BTBD7: variants seen among roughly 807,000 people sequenced by gnomAD.
BTBD7 encodes the protein BTB domain containing 7.
Under a neutral mutation model 99.9 loss-of-function variants are expected in BTBD7, and 38 were observed. That is an observed-to-expected ratio of 0.38 (90% CI 0.29 to 0.50). The LOEUF (loss-of-function observed/expected upper bound fraction) is 0.50. Ranked by LOEUF, BTBD7 falls within the 20% of genes least tolerant of loss-of-function variation. The probability of loss-of-function intolerance (pLI) is 0.93; values close to 1 mark genes in which losing one functional copy is unlikely to be tolerated. For missense variants in BTBD7, 1,170 were observed against 1,394.6 expected (o/e 0.84, Z 2.57); for synonymous variants, 520 against 511.4 (o/e 1.02, Z -0.23).
At chr14:93,262,678 A>G (rs1276210905) in intron 4 of BTBD7, among the ~76,000 whole-genome samples, 1 of 152,158 alleles carries the variant, frequency 6.6e-6, no homozygotes, top group Non-Finnish European at 1.5e-5. Flanking sequence ...CAATCTCTAC[A>G]AGGTATTCTA....
At chr14:93,297,046 A>G (rs2052936983) in intron 1 of BTBD7, among the ~76,000 whole-genome samples, 1 of 152,242 alleles carries the variant, frequency 6.6e-6, no homozygotes, top group Non-Finnish European at 1.5e-5. Context: ...TGGGGTAACG[A>G]GTTTAAGAAG....
At chr14:93,289,810 A>C (rs2052824968) in intron 3 of BTBD7, among the ~76,000 whole-genome samples, 1 of 151,094 alleles carries the variant, frequency 6.6e-6, no homozygotes, top group South Asian at 2.1e-4. Flanking sequence ...ACTGATATAA[A>C]ACACATTCTC....
chr14:93,294,949 A>G lies in BTBD7; in HGVS notation c.83-12T>C. ...ATAGGATGAGGTCCCTAAGAAAAAA[A>G]TTAAACAAATGAAAATTTATTTTTT... is the stretch of plus-strand genomic sequence containing the variant. On this transcript the variant is annotated splice_polypyrimidine_tract_variant and intron_variant, in intron 2 of 10. Coordinates refer to ENST00000334746, the MANE Select transcript of BTBD7 (RefSeq NM_001002860.4). 1 of 1,526,928 alleles carries G rather than the reference A, an allele frequency of 6.5e-7. No homozygotes were observed. The highest frequency in any genetic ancestry group is 8.7e-7 in the Non-Finnish European group (1 of 1,144,080). 94.6% of individuals were successfully genotyped at this position (1,526,928 alleles called of 1,614,324 possible).
In BTBD7 at chr14:93,312,864, A is replaced by G. The variant is rs925830410; in HGVS notation, c.-106-16707T>C. Among the ~76,000 whole-genome samples the G allele has an allele frequency of 2.6e-5, 4 of 151,114 alleles. No individual in the cohort carries two copies. In the East Asian group the frequency reaches 7.7e-4, roughly 29 times the overall value. On this transcript the variant is annotated intron_variant, in intron 1 of 10. Transcript: ENST00000334746. The stretch of plus-strand genomic sequence containing the variant: ...CCTTTGTATGTAAGCCCCCAATAAA[A>G]CCCCACATCTCTTTTGCCGGCTCTG...
intron 1 of BTBD7, among the ~76,000 whole-genome samples, chr14:93,317,526 G>A (rs2053221710): frequency 6.6e-6 from 1 of 151,934 alleles, no homozygotes; most frequent in Admixed American, 6.6e-5. Context: ...GATACATTAG[G>A]AAAGAAAACA....
chr14:93,265,846 C>T (rs528139448), intron 3 of BTBD7, among the ~76,000 whole-genome samples: 4 of 152,264 alleles, frequency 2.6e-5, no homozygotes, highest in East Asian at 1.9e-4. Context: ...TGCTTGAACC[C>T]GGGAAGTGGA....
intron 3 of BTBD7, among the ~76,000 whole-genome samples, chr14:93,285,606 T>C (rs142912495): frequency 1.3e-5 from 2 of 152,330 alleles, no homozygotes; most frequent in East Asian, 1.9e-4. Context: ...AGTTAACCTA[T>C]AGTTCTCCTA....
intron 1 of BTBD7, among the ~76,000 whole-genome samples, chr14:93,330,863 A>G (rs906162397): frequency 2.6e-5 from 4 of 152,360 alleles, no homozygotes; most frequent in African/African-American, 9.6e-5. Flanking sequence ...AGTGTAACCT[A>G]GAAATCAACA....
At chr14:93,292,839 T>TG (rs2052874974) in intron 3 of BTBD7, among the ~76,000 whole-genome samples, 1 of 152,202 alleles carries the variant, frequency 6.6e-6, no homozygotes, top group Admixed American at 6.5e-5. Context: ...GTTATTTAAC[T>TG]GGGGCTATTT....
rs986979691 is a variant in BTBD7, at chr14:93,257,130, T to G, written c.1608+65A>C. On this transcript the variant is annotated intron_variant, in intron 6 of 10. Transcript: ENST00000334746. ...TATTAGTAGCAGAAATTATTTACAA[T>G]GAATAAAAACATACACCTGGCATTT... 2.7e-6 allele frequency: 4 copies of G among 1,501,936 alleles called. No individual in the cohort carries two copies. In the Admixed American group the frequency reaches 5.5e-5, roughly 21 times the overall value. 93.0% of individuals were successfully genotyped at this position (1,501,936 alleles called of 1,614,324 possible).
intron 1 of BTBD7, 41 bp from the exon 2 acceptor site, chr14:93,296,198 T>C (rs1006200130): frequency 2.9e-5 from 37 of 1,263,314 alleles, no homozygotes; most frequent in Non-Finnish European, 5.0e-6. Flanking sequence ...TTTTTTCAAG[T>C]GTATCTCAGA....
intron 1 of BTBD7, among the ~76,000 whole-genome samples, chr14:93,323,070 C>T (rs2053288261): frequency 6.6e-6 from 1 of 152,096 alleles, no homozygotes; most frequent in Non-Finnish European, 1.5e-5. Flanking sequence ...CTGCGGTGAG[C>T]TATGATAGGG....
chr14:93,291,812 A>C (rs1222060633), intron 3 of BTBD7, among the ~76,000 whole-genome samples: 1 of 151,834 alleles, frequency 6.6e-6, no homozygotes, highest in Non-Finnish European at 1.5e-5. Flanking sequence ...AGAGAAATTA[A>C]CTCAAGATAA....
At chr14:93,276,488 G>A (rs1023734192) in intron 3 of BTBD7, among the ~76,000 whole-genome samples, 2 of 152,082 alleles carry the variant, frequency 1.3e-5, no homozygotes, top group African/African-American at 4.8e-5. Flanking sequence ...CCGTGTGAAT[G>A]TATTACCTAT....
chr14:93,288,333 CTCTT>C (rs774391761), intron 3 of BTBD7: 18 of 600,396 alleles, frequency 3.0e-5, no homozygotes, highest in African/African-American at 9.3e-5. Flanking sequence ...CTCCACTCAT[CTCTT>C]TATTATATTA....
At chr14:93,289,487 A>C (rs1321687535) in intron 3 of BTBD7, among the ~76,000 whole-genome samples, 4 of 152,152 alleles carry the variant, frequency 2.6e-5, no homozygotes, top group Non-Finnish European at 5.9e-5. Flanking sequence ...AGCCCCCTTT[A>C]CAGCATCTAA....
intron 3 of BTBD7, among the ~76,000 whole-genome samples, chr14:93,290,415 T>C (rs553301677): frequency 1.3e-5 from 2 of 151,038 alleles, no homozygotes; most frequent in Admixed American, 6.6e-5. Context: ...GGTTTCACCC[T>C]GTTAGCCAGG....
chr14:93,282,176 C>T (rs1296451148), intron 3 of BTBD7, among the ~76,000 whole-genome samples: 2 of 152,124 alleles, frequency 1.3e-5, no homozygotes, highest in African/African-American at 4.8e-5. Flanking sequence ...GATCTTAGTG[C>T]AGTGTTTTCA....
At chr14:93,314,086 T>C (rs1490771306) in intron 1 of BTBD7, among the ~76,000 whole-genome samples, 1 of 152,162 alleles carries the variant, frequency 6.6e-6, no homozygotes, top group Admixed American at 6.5e-5. Context: ...TTTCTAGTTA[T>C]GAAATACTTC....
Sources: gnomAD v4.1 joint callset for allele counts (sites outside exome capture counted in the v4.1 genomes callset) on GRCh38, gnomAD v4.1.1 for gene constraint, MANE v1.5 for transcripts, NCBI Gene and HGNC (gene_info 2026-07-23, HGNC 2026-07-21) for gene names.